ENDOD1: variants seen among roughly 807,000 people sequenced by gnomAD.
ENDOD1 encodes the protein endonuclease domain-containing 1 protein.
In ENDOD1, 9 loss-of-function variants were observed where a neutral mutation model predicts 6.5. That is an observed-to-expected ratio of 1.39 (90% CI 0.84 to 2.43). ENDOD1 has a LOEUF of 2.43. Among genes scored for constraint, ENDOD1 ranks in the 30% most tolerant of loss-of-function variants. ENDOD1 has a pLI of 0.00. For synonymous variants in ENDOD1, 255 were observed against 255.2 expected (o/e 1.00, Z 0.01); for missense variants, 648 against 635.5 (o/e 1.02, Z -0.21).
At chr11:95,116,621 A>C (rs1859211958) in intron 1 of ENDOD1, among the ~76,000 whole-genome samples, 1 of 152,256 alleles carries the variant, frequency 6.6e-6, no homozygotes, top group Middle Eastern at 3.4e-3. Flanking sequence ...GTAGGTGCTT[A>C]TGCCTATAGA....
At chr11:95,100,545 G>A (rs887857798) in intron 1 of ENDOD1, among the ~76,000 whole-genome samples, 18 of 152,142 alleles carry the variant, frequency 1.2e-4, no homozygotes, top group African/African-American at 4.1e-4. Flanking sequence ...CTTGGGTGCA[G>A]TGGTGCGATC....
chr11:95,125,372 T>G (rs188238657), intron 1 of ENDOD1, among the ~76,000 whole-genome samples: 12 of 152,338 alleles, frequency 7.9e-5, no homozygotes, highest in Admixed American at 7.2e-4. Flanking sequence ...GGCTGATGTT[T>G]CCTTGGGATG....
rs1355234140 is a variant in ENDOD1, at chr11:95,129,673, A to T, written c.*94A>T. The T allele has an allele frequency of 7.0e-7, 1 of 1,436,638 alleles. No individual in the cohort carries two copies. The highest frequency in any genetic ancestry group is 9.4e-7 in the Non-Finnish European group (1 of 1,063,910). 89.0% of individuals were successfully genotyped at this position (1,436,638 alleles called of 1,614,324 possible). The stretch of plus-strand genomic sequence containing the variant: ...TTTCTGTTCACTGTCAGTTATCATT[A>T]TATTTTGGCCTTTGGTGGGGATGTC... On this transcript the variant is annotated 3_prime_UTR_variant, in exon 2 of 2. Coordinates refer to ENST00000278505, the MANE Select transcript of ENDOD1 (RefSeq NM_015036.3).
intron 1 of ENDOD1, among the ~76,000 whole-genome samples, chr11:95,115,088 A>G (rs1555112346): frequency 6.6e-6 from 1 of 152,194 alleles, no homozygotes; most frequent in East Asian, 1.9e-4. Context: ...TTTGGGTAGT[A>G]TGGACATTTG....
rs1858917766 is a variant in ENDOD1 at position 95,090,373 on chromosome 11, G to A, written c.300+146G>A. 5.3e-6 allele frequency: 6 copies of A among 1,140,458 alleles called. No individual in the cohort carries two copies. In the South Asian group the frequency reaches 1.4e-4, roughly 26 times the overall value. The allele number at this position is 1,140,458 out of a possible 1,614,324, so 70.6% of individuals were successfully genotyped here. A position where few individuals can be genotyped will look rare whatever the true frequency, so the allele number is the denominator to read the frequency against. On this transcript the variant is annotated intron_variant, in intron 1 of 1. Transcript: ENST00000278505. ...CTTGGGCCAAGAAACCCGGGTTCCA[G>A]GTCCACCCTGTTGCGTCCCCGGAGT...
intron 1 of ENDOD1, among the ~76,000 whole-genome samples, chr11:95,104,995 G>A (rs1339662678): frequency 6.6e-6 from 1 of 152,172 alleles, no homozygotes; most frequent in Non-Finnish European, 1.5e-5. Flanking sequence ...GGTTGTGACT[G>A]GCATGGAGGT....
intron 1 of ENDOD1, among the ~76,000 whole-genome samples, chr11:95,127,833 C>A (rs983922439): frequency 9.9e-5 from 15 of 151,948 alleles, no homozygotes; most frequent in Non-Finnish European, 1.9e-4. Context: ...AATCTCAGCT[C>A]ACTGCAACCT....
chr11:95,106,063 A>G (rs1342578331), intron 1 of ENDOD1, among the ~76,000 whole-genome samples: 5 of 152,210 alleles, frequency 3.3e-5, no homozygotes, highest in Non-Finnish European at 5.9e-5. Context: ...CCGCCTTCCC[A>G]TTGATGGCTC....
chr11:95,108,160 A>G (rs1397887345), intron 1 of ENDOD1, among the ~76,000 whole-genome samples: 1 of 151,888 alleles, frequency 6.6e-6, no homozygotes, highest in African/African-American at 2.4e-5. Context: ...TTTTATTTTT[A>G]TTTTTTCAAC....
At chr11:95,103,999 C>T (rs1440458937) in intron 1 of ENDOD1, among the ~76,000 whole-genome samples, 1 of 152,220 alleles carries the variant, frequency 6.6e-6, no homozygotes, top group Non-Finnish European at 1.5e-5. Flanking sequence ...CACCACCTTG[C>T]TCGTGACTGC....
intron 1 of ENDOD1, among the ~76,000 whole-genome samples, chr11:95,109,927 A>G (rs1327749292): frequency 6.6e-6 from 1 of 152,246 alleles, no homozygotes; most frequent in Non-Finnish European, 1.5e-5. Flanking sequence ...GCCAGGGTTC[A>G]TATCCACCAC....
In ENDOD1 at chr11:95,128,405, A is replaced by G; in HGVS notation, c.329A>G (p.Glu110Gly). 6.2e-7 allele frequency: 1 copy of G among 1,613,842 alleles called. No homozygotes were observed. Among genetic ancestry groups the G allele is most frequent in the East Asian group, 2.2e-5 (1 of 44,882 alleles). The part of the protein sequence containing the change: ...QIDDPNSNLE[E>G]AINEAEAITS... ...GATGACCCCAACAGCAACCTTGAGG[A>G]GGCGATTAATGAGGCAGAGGCCATC... is the stretch of plus-strand genomic sequence containing the variant. Residue 110 changes from glutamate (E) to glycine (G), a missense_variant, in exon 2 of 2, where the codon GAG becomes GGG. Coordinates refer to ENST00000278505, the MANE Select transcript of ENDOD1 (RefSeq NM_015036.3).
chr11:95,091,074 A>C (rs1858926584), intron 1 of ENDOD1, among the ~76,000 whole-genome samples: 2 of 152,150 alleles, frequency 1.3e-5, no homozygotes, highest in Non-Finnish European at 2.9e-5. Context: ...AAGGTGACCA[A>C]ACACTTGAGA....
In ENDOD1 at chr11:95,128,479, C is replaced by T; in HGVS notation, c.403C>T (p.Leu135Phe). 6.2e-7 allele frequency: 1 copy of T among 1,614,240 alleles called. No individual in the cohort carries two copies. The highest frequency in any genetic ancestry group is 1.1e-5 in the South Asian group (1 of 91,082). ...CAAGCAAGCCTTGAATACAGATTAC[C>T]TTGATTCTGATTACCAAAGAGGACA... ...GSKQALNTDY[L>F]DSDYQRGQLY... The change falls in exon 2 of 2, where the codon CTT (leucine) becomes TTT (phenylalanine). Residue 135 changes from leucine to phenylalanine, a missense_variant. Leu to Phe is a conservative substitution (Grantham distance 22). Transcript: ENST00000278505.
rs1019943984 is a variant in ENDOD1 at position 95,132,159 on chromosome 11, C to A, written c.*2580C>A. 6.6e-6 allele frequency: 1 copy of A among 152,658 alleles called. No individual in the cohort carries two copies. The highest frequency in any genetic ancestry group is 2.4e-5 in the African/African-American group (1 of 41,448). The allele number at this position is 152,658 out of a possible 1,614,324, so 9.5% of individuals were successfully genotyped here. A position where few individuals can be genotyped will look rare whatever the true frequency, so the allele number is the denominator to read the frequency against. ...TGTTCTGAGGCCTTGGGATTAGCCTCTTCCTCATTATGGAGCTGATTTTCT... is the reference window on the plus strand; with the variant it reads ...TGTTCTGAGGCCTTGGGATTAGCCTATTCCTCATTATGGAGCTGATTTTCT... On this transcript the variant is annotated 3_prime_UTR_variant, in exon 2 of 2. Transcript: ENST00000278505.
chr11:95,116,273 G>T (rs576930074), intron 1 of ENDOD1, among the ~76,000 whole-genome samples: 2 of 152,154 alleles, frequency 1.3e-5, no homozygotes, highest in Middle Eastern at 3.4e-3. Flanking sequence ...CAATTTATTG[G>T]CATACAGTTG....
chr11:95,119,677 T>C (rs138040699), intron 1 of ENDOD1, among the ~76,000 whole-genome samples: 26 of 152,318 alleles, frequency 1.7e-4, no homozygotes, highest in African/African-American at 5.8e-4. Flanking sequence ...CTACTGCCTA[T>C]GTTTGCTCAA....
intron 1 of ENDOD1, among the ~76,000 whole-genome samples, chr11:95,092,962 A>G (rs1246091815): frequency 6.6e-6 from 1 of 152,232 alleles, no homozygotes; most frequent in Admixed American, 6.5e-5. Context: ...CAGGAGACCA[A>G]AGGAACTCAG....
chr11:95,096,790 G>C (rs1175628120), intron 1 of ENDOD1, among the ~76,000 whole-genome samples: 3 of 152,118 alleles, frequency 2.0e-5, no homozygotes, highest in Admixed American at 6.5e-5. Context: ...CCTGGAAAGA[G>C]AGCAGTGGTT....
Sources: allele counts gnomAD v4.1 joint callset (sites outside exome capture counted in the v4.1 genomes callset), GRCh38; gene constraint gnomAD v4.1.1; transcripts MANE v1.5; gene names NCBI Gene and HGNC (gene_info 2026-07-23, HGNC 2026-07-21).